Variants in TMPRSS11F observed in about 807,000 individuals in gnomAD.
The protein encoded by TMPRSS11F is transmembrane protease serine 11F.
A neutral mutation model predicts 60.2 loss-of-function variants in TMPRSS11F; 47 were observed. That is an observed-to-expected ratio of 0.78 (90% CI 0.62 to 1.00). The LOEUF is 1.00. Among genes scored for constraint, TMPRSS11F ranks in the 50% least tolerant of loss-of-function variants. TMPRSS11F has a pLI of 0.00. For synonymous variants in TMPRSS11F, 166 were observed against 167.3 expected (o/e 0.99, Z 0.06); for missense variants, 519 against 522.9 (o/e 0.99, Z 0.07).
intron 1 of TMPRSS11F, among the ~76,000 whole-genome samples, chr4:68,129,253 G>A (rs1052313507): frequency 1.3e-5 from 2 of 152,044 alleles, no homozygotes; most frequent in Non-Finnish European, 1.5e-5. Context: ...GTTCAATTAT[G>A]ATGATACAAA....
intron 9 of TMPRSS11F, among the ~76,000 whole-genome samples, chr4:68,055,577 A>T (rs535939460): frequency 9.5e-4 from 145 of 152,336 alleles, no homozygotes; most frequent in African/African-American, 3.4e-3. Context: ...TGAATCAGTA[A>T]TTAAAAAGTC....
chr4:68,128,977 C>A (rs992257275), intron 1 of TMPRSS11F, among the ~76,000 whole-genome samples: 1 of 152,018 alleles, frequency 6.6e-6, no homozygotes, highest in African/African-American at 2.4e-5. Context: ...AATCAAATGA[C>A]TGAACAATTA....
At chr4:68,084,950 G>A (rs551475081) in intron 3 of TMPRSS11F, among the ~76,000 whole-genome samples, 4,885 of 137,958 alleles carry the variant, frequency 0.035, 210 homozygotes, top group African/African-American at 0.11. Context: ...TGATCTCATC[G>A]TTCAATTCCC....
chr4:68,065,896 C>A (rs1723315771), intron 7 of TMPRSS11F, among the ~76,000 whole-genome samples: 7 of 151,904 alleles, frequency 4.6e-5, no homozygotes, highest in Admixed American at 3.3e-4. Flanking sequence ...GGCGGGTAGA[C>A]CATGAGGTCA....
At chr4:68,086,170 G>A (rs919138746) in intron 3 of TMPRSS11F, among the ~76,000 whole-genome samples, 5 of 151,818 alleles carry the variant, frequency 3.3e-5, no homozygotes, top group African/African-American at 9.7e-5. Flanking sequence ...ATCACAGCAA[G>A]CACACTCTCA....
At chr4:68,124,038 T>C (rs1724669878) in intron 1 of TMPRSS11F, among the ~76,000 whole-genome samples, 1 of 151,922 alleles carries the variant, frequency 6.6e-6, no homozygotes, top group Non-Finnish European at 1.5e-5. Context: ...CTGGCCAATA[T>C]GGCGAAACCC....
In TMPRSS11F at chr4:68,123,474, C is replaced by T. The variant is rs1577939093; in HGVS notation, c.11+6336G>A. The stretch of plus-strand genomic sequence containing the variant: ...TTTTACCTGATAATATCCGAAGAGC[C>T]CAACCACAATATCCCATGAGTTAAT... On this transcript the variant is annotated intron_variant, in intron 1 of 9. Coordinates refer to ENST00000356291, the MANE Select transcript of TMPRSS11F (RefSeq NM_207407.2). Among the ~76,000 whole-genome samples, 6 of 152,116 alleles carry T rather than the reference C, an allele frequency of 3.9e-5. No individual in the cohort carries two copies. In the South Asian group the frequency reaches 1.2e-3, roughly 32 times the overall value.
chr4:68,126,941 C>T (rs1046075042), intron 1 of TMPRSS11F, among the ~76,000 whole-genome samples: 1 of 152,194 alleles, frequency 6.6e-6, no homozygotes, highest in Non-Finnish European at 1.5e-5. Context: ...GACGAAACAA[C>T]AAATACGTAG....
At chr4:68,087,663 G>A (rs552893736) in intron 3 of TMPRSS11F, among the ~76,000 whole-genome samples, 1 of 151,622 alleles carries the variant, frequency 6.6e-6, no homozygotes, top group Non-Finnish European at 1.5e-5. Flanking sequence ...AAAGTTTCAG[G>A]ATACAAAAAA....
chr4:68,097,040 A>G (rs6552148), intron 2 of TMPRSS11F, among the ~76,000 whole-genome samples: 91,921 of 152,060 alleles, frequency 0.6, 29,652 homozygotes, highest in Admixed American at 0.72. Context: ...TACTTGTTTA[A>G]CTTTTGTCAT....
intron 1 of TMPRSS11F, among the ~76,000 whole-genome samples, chr4:68,100,512 A>T (rs936603228): frequency 2.2e-4 from 33 of 152,080 alleles, no homozygotes; most frequent in African/African-American, 7.7e-4. Flanking sequence ...ATTTAGTTGT[A>T]GTTCTTGAAC....
chr4:68,091,739 A>G (rs1723934589), intron 2 of TMPRSS11F, among the ~76,000 whole-genome samples: 1 of 129,186 alleles, frequency 7.7e-6, no homozygotes, highest in African/African-American at 3.1e-5. Flanking sequence ...TAACCCATTT[A>G]ATCTCTAATC....
intron 2 of TMPRSS11F, among the ~76,000 whole-genome samples, chr4:68,093,509 C>T (rs1425410495): frequency 6.6e-6 from 1 of 152,132 alleles, no homozygotes; most frequent in East Asian, 1.9e-4. Context: ...ATGTCTAAAA[C>T]ACCAAAAGCA....
At chr4:68,066,710 C>T (rs1016464099) in intron 7 of TMPRSS11F, among the ~76,000 whole-genome samples, 10 of 151,688 alleles carry the variant, frequency 6.6e-5, no homozygotes, top group African/African-American at 2.2e-4. Context: ...CTGAGGCGGG[C>T]GGATCATGAG....
chr4:68,070,458 C>T (rs370933695), intron 5 of TMPRSS11F, among the ~76,000 whole-genome samples: 56 of 152,230 alleles, frequency 3.7e-4, no homozygotes, highest in African/African-American at 1.1e-3. Context: ...ATCACAGACC[C>T]CTGAGGGCCC....
chr4:68,053,883 T>C lies in TMPRSS11F; in HGVS notation c.*26A>G, dbSNP rs761896259. Reference sequence around the variant, plus strand: ...GCAGGAGTATCAGCTCTGTGTGCCATGTGTATAACTCATGGGCAATCCACA... The same window carrying C: ...GCAGGAGTATCAGCTCTGTGTGCCACGTGTATAACTCATGGGCAATCCACA... On this transcript the variant is annotated 3_prime_UTR_variant, in exon 10 of 10. Transcript: ENST00000356291. 1.3e-5 allele frequency: 21 copies of C among 1,596,574 alleles called. No individual in the cohort carries two copies. The highest frequency in any genetic ancestry group is 3.3e-4 in the Middle Eastern group (2 of 6,012).
chr4:68,083,791 C>A (rs1482805275), intron 3 of TMPRSS11F, among the ~76,000 whole-genome samples: 2 of 152,138 alleles, frequency 1.3e-5, no homozygotes, highest in African/African-American at 4.8e-5. Context: ...TCCTTGCCTG[C>A]AAACAATCAC....
At chr4:68,098,722 T>A (rs904752010) in intron 2 of TMPRSS11F, among the ~76,000 whole-genome samples, 165 bp downstream of exon 2, 10 of 152,226 alleles carry the variant, frequency 6.6e-5, no homozygotes. Flanking sequence ...GGTGGAAATA[T>A]GTAACACAGA....
intron 1 of TMPRSS11F, among the ~76,000 whole-genome samples, chr4:68,129,239 T>C (rs2109895440): frequency 6.6e-6 from 1 of 152,270 alleles, no homozygotes; most frequent in East Asian, 1.9e-4. Flanking sequence ...TCAATTATTT[T>C]GGAGTTCAAT....
Sources: allele counts gnomAD v4.1 joint callset (sites outside exome capture counted in the v4.1 genomes callset), GRCh38; gene constraint gnomAD v4.1.1; transcripts MANE v1.5; gene names NCBI Gene and HGNC (gene_info 2026-07-23, HGNC 2026-07-21).